The following PLCL2 variants were observed in gnomAD, a reference collection of about 807,000 sequenced individuals.
PLCL2 encodes inactive phospholipase C-like protein 2.
Under a neutral mutation model 79.6 loss-of-function variants are expected in PLCL2, and 4 were observed. The observed-to-expected ratio is 0.05, with a 90% CI of 0.02 to 0.11. PLCL2 has a LOEUF of 0.11. Among genes scored for constraint, PLCL2 ranks in the 10% least tolerant of loss-of-function variants. PLCL2 has a pLI of 1.00. For synonymous variants in PLCL2, 484 were observed against 457.7 expected (o/e 1.06, Z -0.73); for missense variants, 895 against 1,291.0 (o/e 0.69, Z 4.70).
intron 1 of PLCL2, among the ~76,000 whole-genome samples, chr3:16,989,466 A>T (rs967633062): frequency 1.3e-5 from 2 of 152,304 alleles, no homozygotes; most frequent in African/African-American, 2.4e-5. Flanking sequence ...GGTGGATTTC[A>T]AAGACTTGAA....
At chr3:16,966,851 T>G (rs1169959061) in intron 1 of PLCL2, among the ~76,000 whole-genome samples, 3 of 152,112 alleles carry the variant, frequency 2.0e-5, no homozygotes, top group Non-Finnish European at 4.4e-5. Context: ...GAGTTTGATG[T>G]GCAAATTATT....
intron 1 of PLCL2, among the ~76,000 whole-genome samples, chr3:16,909,160 GT>G (rs1281083621): frequency 6.6e-6 from 1 of 152,104 alleles, no homozygotes; most frequent in Non-Finnish European, 1.5e-5. Flanking sequence ...GTGTTTTAAT[GT>G]TTTTTCTAGT....
At chr3:17,023,408 G>A (rs1016233857) in intron 3 of PLCL2, among the ~76,000 whole-genome samples, 6 of 152,280 alleles carry the variant, frequency 3.9e-5, no homozygotes, top group African/African-American at 1.4e-4. Flanking sequence ...CCCCCGTGTT[G>A]TGGGAGGGAC....
intron 3 of PLCL2, among the ~76,000 whole-genome samples, chr3:17,037,645 A>C (rs964828796): frequency 3.3e-5 from 5 of 151,712 alleles, no homozygotes; most frequent in African/African-American, 4.9e-5. Flanking sequence ...GATTCAAAAC[A>C]AGATAAAGGG....
intron 4 of PLCL2, among the ~76,000 whole-genome samples, chr3:17,059,440 A>G (rs201251924): frequency 4.5e-5 from 6 of 134,696 alleles, no homozygotes; most frequent in South Asian, 5.1e-4. Context: ...GTATATATAT[A>G]TGTGTGTGTG....
intron 1 of PLCL2, among the ~76,000 whole-genome samples, chr3:16,981,491 T>G (rs1468636444): frequency 6.6e-6 from 1 of 152,190 alleles, no homozygotes; most frequent in Non-Finnish European, 1.5e-5. Flanking sequence ...CATATGGAGT[T>G]TAAAATAGTA....
intron 1 of PLCL2, among the ~76,000 whole-genome samples, chr3:16,927,035 T>C (rs1697273170): frequency 6.6e-6 from 1 of 152,260 alleles, no homozygotes. Flanking sequence ...ATGTATTTAA[T>C]TTAAAGCAAT....
At chr3:16,951,258 G>T (rs572644975) in intron 1 of PLCL2, among the ~76,000 whole-genome samples, 1 of 151,694 alleles carries the variant, frequency 6.6e-6, no homozygotes, top group Non-Finnish European at 1.5e-5. Flanking sequence ...TTTTTGTTTG[G>T]ATATCCATCT....
At chr3:16,900,366 A>C (rs1323193324) in intron 1 of PLCL2, among the ~76,000 whole-genome samples, 1 of 152,224 alleles carries the variant, frequency 6.6e-6, no homozygotes, top group African/African-American at 2.4e-5. Flanking sequence ...TGTTTTCCTC[A>C]TAGAGCATAT....
chr3:16,967,042 G>C (rs1427729946), intron 1 of PLCL2, among the ~76,000 whole-genome samples: 3 of 152,064 alleles, frequency 2.0e-5, no homozygotes, highest in Non-Finnish European at 4.4e-5. Context: ...TCCTGCATTA[G>C]TTTGCTTAGG....
rs2065024889 is a variant in PLCL2 at position 17,067,834 on chromosome 3, AT to A, written c.3095-119del. 9.7e-5 allele frequency: 56 copies of A among 575,792 alleles called. No individual in the cohort carries two copies. In the South Asian group the frequency reaches 1.3e-3, roughly 14 times the overall value. 35.7% of individuals were successfully genotyped at this position (575,792 alleles called of 1,614,324 possible). On this transcript the variant is annotated intron_variant, in intron 4 of 5. Transcript: ENST00000615277. ...CATTATTACATTCTTAAATGGACACATTTATGAAATTCCACTGGAGGTTGGA... is the reference window on the plus strand; with the variant it reads ...CATTATTACATTCTTAAATGGACACATTATGAAATTCCACTGGAGGTTGGA...
intron 5 of PLCL2, among the ~76,000 whole-genome samples, chr3:17,082,552 A>C (rs1013717714): frequency 6.6e-6 from 1 of 152,154 alleles, no homozygotes; most frequent in Non-Finnish European, 1.5e-5. Flanking sequence ...TCAAGCCCAG[A>C]TTTATTGCCT....
chr3:17,071,465 A>G (rs543198992), intron 5 of PLCL2, among the ~76,000 whole-genome samples: 15 of 152,310 alleles, frequency 9.8e-5, no homozygotes, highest in African/African-American at 2.6e-4. Context: ...ATAAAAAAGC[A>G]TTCATTTGTT....
Position 17,090,031 on chromosome 3 carries a change from A to G in PLCL2, c.*119A>G. ...ATTCGGGATTTTAAAGCACAACTGGAATAGCTAATTACAGTCTATTAAAAC... is the reference window on the plus strand; with the variant it reads ...ATTCGGGATTTTAAAGCACAACTGGGATAGCTAATTACAGTCTATTAAAAC... On this transcript the variant is annotated 3_prime_UTR_variant, in exon 6 of 6. Transcript: ENST00000615277. 1 of 1,424,002 alleles carries G rather than the reference A, an allele frequency of 7.0e-7. No homozygotes were observed. The highest frequency in any genetic ancestry group is 9.2e-7 in the Non-Finnish European group (1 of 1,085,378). 88.2% of individuals were successfully genotyped at this position (1,424,002 alleles called of 1,614,324 possible).
chr3:17,033,461 C>T (rs2064606869), intron 3 of PLCL2, among the ~76,000 whole-genome samples: 1 of 152,162 alleles, frequency 6.6e-6, no homozygotes, highest in African/African-American at 2.4e-5. Context: ...ATTCTCCCTT[C>T]TATAGTAAGT....
At position 17,090,027 on chromosome 3, in the gene PLCL2, C is replaced by G; in HGVS notation, c.*115C>G. 1.4e-6 allele frequency: 2 copies of G among 1,423,676 alleles called. No individual in the cohort carries two copies. Among genetic ancestry groups the G allele is most frequent in the Middle Eastern group, 2.1e-4 (1 of 4,702 alleles). The allele number at this position is 1,423,676 out of a possible 1,614,324, so 88.2% of individuals were successfully genotyped here. On this transcript the variant is annotated 3_prime_UTR_variant, in exon 6 of 6. Coordinates refer to ENST00000615277, the MANE Select transcript of PLCL2 (RefSeq NM_001144382.2). Reference sequence around the variant, plus strand: ...TAATATTCGGGATTTTAAAGCACAACTGGAATAGCTAATTACAGTCTATTA... The same window carrying G: ...TAATATTCGGGATTTTAAAGCACAAGTGGAATAGCTAATTACAGTCTATTA...
chr3:17,036,984 C>T (rs2064664652), intron 3 of PLCL2, among the ~76,000 whole-genome samples: 1 of 152,154 alleles, frequency 6.6e-6, no homozygotes. Context: ...CTTTTAAAGG[C>T]CCTGCCTGTT....
intron 4 of PLCL2, among the ~76,000 whole-genome samples, chr3:17,061,688 A>G (rs2064954861): frequency 6.6e-6 from 1 of 152,226 alleles, no homozygotes; most frequent in Non-Finnish European, 1.5e-5. Context: ...ATAAATTTCT[A>G]AAATATGTTT....
intron 5 of PLCL2, among the ~76,000 whole-genome samples, chr3:17,073,211 G>A (rs377399815): frequency 2.2e-4 from 34 of 152,288 alleles, no homozygotes; most frequent in Middle Eastern, 3.4e-3. Flanking sequence ...TGCTTGATCA[G>A]TTCCAGACCA....
Sources: gnomAD v4.1 joint callset for allele counts (sites outside exome capture counted in the v4.1 genomes callset) on GRCh38, gnomAD v4.1.1 for gene constraint, MANE v1.5 for transcripts, NCBI Gene and HGNC (gene_info 2026-07-23, HGNC 2026-07-21) for gene names.